CDH19: variants seen among roughly 807,000 people sequenced by gnomAD.
CDH19 encodes the protein cadherin-19.
A neutral mutation model predicts 64.2 loss-of-function variants in CDH19; 67 were observed. The observed-to-expected ratio is 1.04, with a 90% CI of 0.86 to 1.28. The LOEUF (loss-of-function observed/expected upper bound fraction) is 1.28, where lower values mean the gene tolerates loss of function less well. CDH19 is among the 50% of genes most tolerant of loss of function. The probability of loss-of-function intolerance (pLI) is 0.00; values close to 1 mark genes in which losing one functional copy is unlikely to be tolerated. For missense variants in CDH19, 1,030 were observed against 929.0 expected (o/e 1.11, Z -1.41); for synonymous variants, 346 against 319.3 (o/e 1.08, Z -0.89).
chr18:66,594,805 T>G (rs1031887429), intron 1 of CDH19, among the ~76,000 whole-genome samples: 1 of 127,004 alleles, frequency 7.9e-6, no homozygotes, highest in African/African-American at 3.1e-5. Flanking sequence ...AATTGAACAA[T>G]GAGAACACAT....
At chr18:66,598,376 G>T (rs1264652571) in intron 1 of CDH19, among the ~76,000 whole-genome samples, 1 of 152,022 alleles carries the variant, frequency 6.6e-6, no homozygotes, top group East Asian at 1.9e-4. Context: ...CTACCATAAA[G>T]ATATATGCAC....
At chr18:66,535,795 C>A (rs1262700483) in intron 7 of CDH19, among the ~76,000 whole-genome samples, 2 of 143,790 alleles carry the variant, frequency 1.4e-5, no homozygotes, top group African/African-American at 5.0e-5. Context: ...ATGTTTTATG[C>A]ATATATATGT....
chr18:66,570,210 A>G, intron 2 of CDH19, among the ~76,000 whole-genome samples: 2 of 151,736 alleles, frequency 1.3e-5, no homozygotes, highest in Middle Eastern at 6.8e-3. Flanking sequence ...TATAATGAAG[A>G]TAAATTAAGT....
chr18:66,602,218 TA>T (rs1989054094), intron 1 of CDH19, among the ~76,000 whole-genome samples: 1 of 151,976 alleles, frequency 6.6e-6, no homozygotes, highest in Admixed American at 6.6e-5. Context: ...TACTACTCAC[TA>T]ACATGCTGAA....
At position 66,502,082 on chromosome 18, in the gene CDH19, T is replaced by C. The variant is rs1452099410; in HGVS notation, c.*2730A>G. 3 of 152,130 alleles carry C rather than the reference T, an allele frequency of 2.0e-5. No homozygotes were observed. Among genetic ancestry groups the C allele is most frequent in the Non-Finnish European group, 4.4e-5 (3 of 68,014 alleles). The allele number at this position is 152,130 out of a possible 1,614,324, so 9.4% of individuals were successfully genotyped here. On this transcript the variant is annotated 3_prime_UTR_variant, in exon 12 of 12. Transcript: ENST00000262150. ...GTTTATTAAAATTTACAAAAATAAATTCTTAATGTAATGCCTTTTTAGTTT... is the reference window on the plus strand; with the variant it reads ...GTTTATTAAAATTTACAAAAATAAACTCTTAATGTAATGCCTTTTTAGTTT...
At chr18:66,567,266 G>A (rs1320031846) in intron 3 of CDH19, among the ~76,000 whole-genome samples, 1 of 151,464 alleles carries the variant, frequency 6.6e-6, no homozygotes, top group East Asian at 1.9e-4. Flanking sequence ...CAGTGGCAGA[G>A]GAAGAAAAGC....
At chr18:66,551,867 G>C (rs1023052695) in intron 4 of CDH19, among the ~76,000 whole-genome samples, 4 of 151,796 alleles carry the variant, frequency 2.6e-5, no homozygotes, top group Non-Finnish European at 5.9e-5. Context: ...TCACTGAAAA[G>C]AACCTAAGAA....
chr18:66,561,502 C>A (rs1336579889), intron 3 of CDH19, among the ~76,000 whole-genome samples: 2 of 152,092 alleles, frequency 1.3e-5, no homozygotes, highest in Admixed American at 6.6e-5. Context: ...AATTGGGTAA[C>A]TACCAAATGA....
At chr18:66,538,431 C>A (rs771724265) in intron 7 of CDH19, among the ~76,000 whole-genome samples, 1 of 152,032 alleles carries the variant, frequency 6.6e-6, no homozygotes, top group African/African-American at 2.4e-5. Context: ...CATAATGACA[C>A]AGAACAATTT....
At chr18:66,548,789 A>C (rs1213953268) in intron 5 of CDH19, among the ~76,000 whole-genome samples, 1 of 152,228 alleles carries the variant, frequency 6.6e-6, no homozygotes, top group African/African-American at 2.4e-5. Context: ...TCTTCTCTAA[A>C]GAGAAAGGAA....
At chr18:66,534,919 T>C in intron 8 of CDH19, 67 bp downstream of exon 8, 1 of 1,086,680 alleles carries the variant, frequency 9.2e-7, no homozygotes, top group Non-Finnish European at 1.3e-6. Flanking sequence ...TGTCCCCATG[T>C]ATAGAAATTT....
At chr18:66,550,312 G>A (rs970464170) in intron 5 of CDH19, among the ~76,000 whole-genome samples, 1 of 152,094 alleles carries the variant, frequency 6.6e-6, no homozygotes, top group African/African-American at 2.4e-5. Flanking sequence ...AATTATTAGA[G>A]CAGGTGTGGC....
intron 1 of CDH19, among the ~76,000 whole-genome samples, chr18:66,572,769 T>C (rs1466293425): frequency 6.6e-6 from 1 of 151,784 alleles, no homozygotes; most frequent in Admixed American, 6.6e-5. Context: ...CAAATTATGG[T>C]ATTTTATGTA....
chr18:66,549,677 T>C lies in CDH19; in HGVS notation c.775+1417A>G, dbSNP rs144245636. 5.5e-4 allele frequency among the ~76,000 whole-genome samples: 84 copies of C among 152,184 alleles called. No individual in the cohort carries two copies. In the Middle Eastern group the frequency reaches 0.014, roughly 25 times the overall value. On this transcript the variant is annotated intron_variant, in intron 5 of 11. Coordinates refer to ENST00000262150, the MANE Select transcript of CDH19 (RefSeq NM_021153.4). ...TAAAATTGTGAGATAGAGCAGAAATTAAAAAATGAGATTTGTGATATTTAT... is the reference window on the plus strand; with the variant it reads ...TAAAATTGTGAGATAGAGCAGAAATCAAAAAATGAGATTTGTGATATTTAT...
At position 66,505,059 on chromosome 18, in the gene CDH19, T is replaced by A; in HGVS notation, c.2072A>T (p.Asp691Val). The A allele has an allele frequency of 6.2e-7, 1 of 1,613,718 alleles. No homozygotes were observed. The highest frequency in any genetic ancestry group is 8.5e-7 in the Non-Finnish European group (1 of 1,179,788). The change falls in exon 12 of 12, where the codon GAC becomes GTC. Residue 691 changes from aspartate (D) to valine (V), a missense_variant. Physicochemically the swap from Asp to Val is radical, Grantham distance 152. Transcript: ENST00000262150. ...AATGAATTTCCTGAATATGGCACTG[T>A]CGGGGCCAACTTGCAAAGACTGCCT... Reference protein sequence around the residue: ...LYRQSLQVGPDSAIFRKFILE... With the variant: ...LYRQSLQVGPVSAIFRKFILE...
intron 8 of CDH19, among the ~76,000 whole-genome samples, chr18:66,531,855 G>A (rs1986455870): frequency 1.3e-5 from 2 of 152,044 alleles, no homozygotes. Context: ...TATACATAAG[G>A]CAATTAAGAG....
chr18:66,527,535 T>G (rs1426627049), intron 9 of CDH19, among the ~76,000 whole-genome samples: 1 of 151,936 alleles, frequency 6.6e-6, no homozygotes, highest in Non-Finnish European at 1.5e-5. Flanking sequence ...GATCACGAGG[T>G]CAGGAGTTTG....
chr18:66,545,009 C>CGAA, intron 5 of CDH19, 106 bp from the exon 6 acceptor site: 1 of 821,170 alleles, frequency 1.2e-6, no homozygotes, highest in Non-Finnish European at 1.8e-6. Context: ...GACGGAGTCT[C>CGAA]ATTCTGTCGC....
At chr18:66,581,959 T>C (rs1988434165) in intron 1 of CDH19, among the ~76,000 whole-genome samples, 1 of 152,176 alleles carries the variant, frequency 6.6e-6, no homozygotes, top group South Asian at 2.1e-4. Context: ...TCAGTAATTT[T>C]AAGTGACCTG....
Sources: gnomAD v4.1 joint callset for allele counts (sites outside exome capture counted in the v4.1 genomes callset) on GRCh38, gnomAD v4.1.1 for gene constraint, MANE v1.5 for transcripts, NCBI Gene and HGNC (gene_info 2026-07-23, HGNC 2026-07-21) for gene names.